GOLGA3: variants seen among roughly 807,000 people sequenced by gnomAD.
GOLGA3 encodes golgin A3.
A neutral mutation model predicts 169.4 loss-of-function variants in GOLGA3; 75 were observed. The observed-to-expected ratio is 0.44, with a 90% CI of 0.37 to 0.54. The LOEUF (loss-of-function observed/expected upper bound fraction) is 0.54. Among genes scored for constraint, GOLGA3 ranks in the 20% least tolerant of loss-of-function variants. The pLI is 0.00. For synonymous variants in GOLGA3, 824 were observed against 822.4 expected, an observed-to-expected ratio of 1.00 and a Z score of -0.03; for missense variants, 1,899 against 1,930.0, an observed-to-expected ratio of 0.98 and a Z score of 0.30.
intron 13 of GOLGA3, among the ~76,000 whole-genome samples, chr12:132,787,546 CA>C (rs1490556744): frequency 7.1e-6 from 1 of 140,398 alleles, no homozygotes; most frequent in African/African-American, 2.6e-5. Flanking sequence ...ACCCCTCCCC[CA>C]GAGCCCCCAG....
At chr12:132,817,248 C>G (rs112419360) in intron 2 of GOLGA3, among the ~76,000 whole-genome samples, 2 of 5,808 alleles carry the variant, frequency 3.4e-4, no homozygotes, top group Non-Finnish European at 4.7e-4. Flanking sequence ...AGGTGAACCC[C>G]CCCTCCACAC....
chr12:132,810,899 T>C (rs906612735), intron 4 of GOLGA3, among the ~76,000 whole-genome samples: 4 of 152,254 alleles, frequency 2.6e-5, no homozygotes, highest in Non-Finnish European at 4.4e-5. Context: ...TCTGCTTTCA[T>C]GTTCCATCCT....
Position 132,816,408 on chromosome 12 carries a change from G to A in GOLGA3, c.406+132C>T, listed in dbSNP as rs550198754. The stretch of plus-strand genomic sequence containing the variant: ...CTCCTTGCTAAACTCACAGCCCCAC[G>A]TGGGACTCAGATGGCACACGGCAGG... On this transcript the variant is annotated intron_variant, in intron 3 of 23. Transcript: ENST00000450791. 3.8e-5 allele frequency: 32 copies of A among 838,396 alleles called. 2 individuals are homozygous for A. Among genetic ancestry groups the A allele is most frequent in the Admixed American group, 1.4e-4 (6 of 42,044 alleles). 51.9% of individuals were successfully genotyped at this position (838,396 alleles called of 1,614,324 possible). A position where few individuals can be genotyped will look rare whatever the true frequency, so the allele number is the denominator to read the frequency against.
intron 1 of GOLGA3, among the ~76,000 whole-genome samples, chr12:132,824,676 T>C (rs1341399959): frequency 6.6e-6 from 1 of 152,188 alleles, no homozygotes; most frequent in African/African-American, 2.4e-5. Context: ...ATTCTCAATC[T>C]CATGTTTGCG....
chr12:132,810,878 C>G lies in GOLGA3; in HGVS notation c.520-2329G>C, dbSNP rs1261841208. Among the ~76,000 whole-genome samples, 3 of 152,364 alleles carry G rather than the reference C, an allele frequency of 2.0e-5. No homozygotes were observed. In the East Asian group the frequency reaches 5.8e-4, roughly 29 times the overall value. On this transcript the variant is annotated intron_variant, in intron 4 of 23. Coordinates refer to ENST00000450791, the MANE Select transcript of GOLGA3 (RefSeq NM_001389683.1). Reference sequence around the variant, plus strand: ...ACCTGTGATGCTGTGCTTCAGTGGTCACACTCCTAGTCTGCTTTCATGTTC... The same window carrying G: ...ACCTGTGATGCTGTGCTTCAGTGGTGACACTCCTAGTCTGCTTTCATGTTC...
Position 132,816,568 on chromosome 12 carries a change from G to C in GOLGA3, c.378C>G (p.Leu126=). 6.2e-7 allele frequency: 1 copy of C among 1,613,754 alleles called. No homozygotes were observed. The highest frequency in any genetic ancestry group is 8.5e-7 in the Non-Finnish European group (1 of 1,179,868). ...VRKEALQSLR[L]SLPMQETQLC... is the part of the protein sequence containing the mutation. ...GTTGCGTTTCTTGCATAGGAAGACT[G>C]AGTCTGAGAGACTGCAAAGCTTCTT... Residue 126 remains leucine (L), a synonymous_variant, in exon 3 of 24, where the codon CTC becomes CTG. Coordinates refer to ENST00000450791, the MANE Select transcript of GOLGA3 (RefSeq NM_001389683.1).
At chr12:132,810,168 A>G (rs1270325957) in intron 4 of GOLGA3, among the ~76,000 whole-genome samples, 1 of 152,168 alleles carries the variant, frequency 6.6e-6, no homozygotes, top group Non-Finnish European at 1.5e-5. Context: ...GAATCACTTG[A>G]ACCCAGGAGG....
At position 132,777,205 on chromosome 12, in the gene GOLGA3, G is replaced by A. The variant is rs2045295958; in HGVS notation, c.3723-115C>T. 3 of 1,121,174 alleles carry A rather than the reference G, an allele frequency of 2.7e-6. No homozygotes were observed. In the East Asian group the frequency reaches 7.3e-5, roughly 27 times the overall value. 69.5% of individuals were successfully genotyped at this position (1,121,174 alleles called of 1,614,324 possible). ...TTCGTCCTGGCAGGCCCTCTGCTGTGCACTGCGTGCTGCAGCCATGCTTGG... is the reference window on the plus strand; with the variant it reads ...TTCGTCCTGGCAGGCCCTCTGCTGTACACTGCGTGCTGCAGCCATGCTTGG... On this transcript the variant is annotated intron_variant, in intron 19 of 23. Coordinates refer to ENST00000450791, the MANE Select transcript of GOLGA3 (RefSeq NM_001389683.1). The surrounding 1 kb of genome is among the most constrained non-coding windows in gnomAD (Gnocchi z 4.7).
Position 132,777,147 on chromosome 12 carries a change from C to T in GOLGA3, c.3723-57G>A, listed in dbSNP as rs1300012625. 6 of 1,526,028 alleles carry T rather than the reference C, an allele frequency of 3.9e-6. No homozygotes were observed. The highest frequency in any genetic ancestry group is 5.3e-6 in the Non-Finnish European group (6 of 1,137,206). 94.5% of individuals were successfully genotyped at this position (1,526,028 alleles called of 1,614,324 possible). A position where few individuals can be genotyped will look rare whatever the true frequency, so the allele number is the denominator to read the frequency against. On this transcript the variant is annotated intron_variant, in intron 19 of 23. Coordinates refer to ENST00000450791, the MANE Select transcript of GOLGA3 (RefSeq NM_001389683.1). The surrounding 1 kb of genome is among the most constrained non-coding windows in gnomAD (Gnocchi z 4.7). Reference sequence around the variant, plus strand: ...GCCACGCTCCTCCAGTGTGCTGTGCCCTCCCGCTGGGAAATGCTGCCTGTG... The same window carrying T: ...GCCACGCTCCTCCAGTGTGCTGTGCTCTCCCGCTGGGAAATGCTGCCTGTG...
At chr12:132,823,784 G>A (rs547807825) in intron 1 of GOLGA3, among the ~76,000 whole-genome samples, 15 of 136,532 alleles carry the variant, frequency 1.1e-4, no homozygotes, top group Non-Finnish European at 1.6e-4. Flanking sequence ...TGGAAACTCC[G>A]TCTAAAAAAA....
intron 6 of GOLGA3, among the ~76,000 whole-genome samples, chr12:132,805,777 C>G (rs897774576): frequency 6.6e-6 from 1 of 152,276 alleles, no homozygotes; most frequent in Non-Finnish European, 1.5e-5. Flanking sequence ...AAGCACCCGT[C>G]TCCTGCGAGG....
At chr12:132,820,218 A>G (rs1209079730) in intron 2 of GOLGA3, among the ~76,000 whole-genome samples, 2 of 151,872 alleles carry the variant, frequency 1.3e-5, no homozygotes, top group African/African-American at 4.8e-5. Flanking sequence ...ACGCATCGAT[A>G]GTCACCGCTA....
intron 1 of GOLGA3, chr12:132,827,693 T>C (rs1412409186): frequency 6.6e-6 from 1 of 152,194 alleles, no homozygotes; most frequent in Non-Finnish European, 1.5e-5. Context: ...TATTTCCTTC[T>C]TGCCATTTAA....
chr12:132,776,982 G>C lies in GOLGA3; in HGVS notation c.3831C>G (p.Ser1277Arg), dbSNP rs1224906594. 6.2e-7 allele frequency: 1 copy of C among 1,604,952 alleles called. No individual in the cohort carries two copies. Residue 1277 changes from serine to arginine, a missense_variant, in exon 20 of 24, where the codon AGC becomes AGG. Ser to Arg is a moderately radical substitution (Grantham distance 110). Coordinates refer to ENST00000450791, the MANE Select transcript of GOLGA3 (RefSeq NM_001389683.1). ...CCTCTTGGTTTCCCACGGGCTGTTT[G>C]CTGAGCTGCTCGTCCAGCTGCTTCT... is the stretch of plus-strand genomic sequence containing the variant. ...LLQKQLDEQLSKQPVGNQEME... is the reference protein window; with the variant it reads ...LLQKQLDEQLRKQPVGNQEME...
intron 23 of GOLGA3, 53 bp downstream of exon 23, chr12:132,774,104 G>C (rs774578177): frequency 1.5e-5 from 22 of 1,494,176 alleles, no homozygotes; most frequent in Non-Finnish European, 1.9e-5. Context: ...TCCCAGGTAA[G>C]AGGGCATTAA....
rs1334852363 is a variant in GOLGA3 at position 132,789,161 on chromosome 12, C to T, written c.2677G>A (p.Glu893Lys). ...LRQELMQVHG[E>K]KRTAEAELSR... is the part of the protein sequence containing the mutation. ...AGCTCCGCCTCGGCAGTCCGCTTCT[C>T]CCCGTGCACTTGCATCAGCTCCTGC... The change falls in exon 13 of 24, where the codon GAG becomes AAG. Residue 893 changes from glutamate (E) to lysine (K), a missense_variant. By Grantham distance (56) the Glu-to-Lys change is moderately conservative. Coordinates refer to ENST00000450791, the MANE Select transcript of GOLGA3 (RefSeq NM_001389683.1). 5.6e-6 allele frequency: 9 copies of T among 1,612,366 alleles called. No individual in the cohort carries two copies. The highest frequency in any genetic ancestry group is 7.6e-6 in the Non-Finnish European group (9 of 1,180,034).
intron 1 of GOLGA3, chr12:132,828,390 A>T (rs1256727466): frequency 6.6e-6 from 1 of 152,310 alleles, no homozygotes; most frequent in Admixed American, 6.5e-5. Flanking sequence ...GGCCAGCGAC[A>T]AAGACAAACA....
At chr12:132,774,352 A>C in intron 22 of GOLGA3, 32 bp from the exon 23 acceptor site, 2 of 1,606,736 alleles carry the variant, frequency 1.2e-6, no homozygotes, top group South Asian at 2.2e-5. Flanking sequence ...CAGCTTTCCC[A>C]CCGTCCCCTC....
chr12:132,798,220 G>T, intron 9 of GOLGA3, 120 bp downstream of exon 9: 1 of 869,418 alleles, frequency 1.2e-6, no homozygotes, highest in Non-Finnish European at 1.6e-6. Flanking sequence ...GTCACTGCCC[G>T]CCATCCATGA....
Sources: gnomAD v4.1 joint callset for allele counts (sites outside exome capture counted in the v4.1 genomes callset) on GRCh38, gnomAD v4.1.1 for gene constraint, Gnocchi (gnomAD v3.1) non-coding constraint, MANE v1.5 for transcripts, NCBI Gene and HGNC (gene_info 2026-07-23, HGNC 2026-07-21) for gene names.